DPP9: variants seen among roughly 807,000 people sequenced by gnomAD.
The protein encoded by DPP9 is dipeptidyl peptidase IV-related protein-2.
In DPP9, 50 loss-of-function variants were observed where a neutral mutation model predicts 110.7. The ratio of observed to expected loss-of-function variants is 0.45; its 90% CI spans 0.36 to 0.57. DPP9 has a LOEUF of 0.57. Among genes scored for constraint, DPP9 ranks in the 20% least tolerant of loss-of-function variants. The pLI, the probability that DPP9 is intolerant of heterozygous loss-of-function variation, is 0.00. For missense variants in DPP9, 1,022 were observed against 1,217.9 expected, an observed-to-expected ratio of 0.84 and a Z score of 2.39; for synonymous variants, 561 against 514.4, an observed-to-expected ratio of 1.09 and a Z score of -1.23.
intron 13 of DPP9, 39 bp from the exon 14 acceptor site, chr19:4,690,996 AG>A: frequency 6.5e-7 from 1 of 1,533,136 alleles, no homozygotes; most frequent in Non-Finnish European, 8.9e-7. Context: ...GGGGCCTGGG[AG>A]GTGATGCAGG....
In DPP9 at chr19:4,690,935, C is replaced by T; in HGVS notation, c.1539G>A (p.Lys513=). ...PGEDEFKCPI[K]EEIALTSGEW... is the part of the protein sequence containing the mutation. ...CACCGCTGGTCAGAGCAATCTCTTCCTTAATGGGGCACTTAAATTCATCTG... is the reference window on the plus strand; with the variant it reads ...CACCGCTGGTCAGAGCAATCTCTTCTTTAATGGGGCACTTAAATTCATCTG... Residue 513 remains lysine, a synonymous_variant, in exon 14 of 22, where the codon AAG becomes AAA. Coordinates refer to ENST00000262960, the MANE Select transcript of DPP9 (RefSeq NM_139159.5). 1 of 1,613,196 alleles carries T rather than the reference C, an allele frequency of 6.2e-7. No homozygotes were observed. The highest frequency in any genetic ancestry group is 8.5e-7 in the Non-Finnish European group (1 of 1,179,612).
chr19:4,702,669 A>C lies in DPP9; in HGVS notation c.817T>G (p.Phe273Val). Residue 273 changes from phenylalanine (F) to valine (V), a missense_variant, in exon 8 of 22, where the codon TTC (phenylalanine) becomes GTC (valine). Phe to Val is a conservative substitution (Grantham distance 50, BLOSUM62 -1). This residue lies in a region of DPP9 where 810 missense variants were observed against 920.6 expected (regional missense o/e 0.88). Transcript: ENST00000262960. The stretch of plus-strand genomic sequence containing the variant: ...CGGTCGAACTCTTCCTGTATGACGA[A>C]GGTGGCCACACCCGCAGACTTGGGG... ...DDPKSAGVAT[F>V]VIQEEFDRFT... 1 of 1,603,952 alleles carries C rather than the reference A, an allele frequency of 6.2e-7. No individual in the cohort carries two copies. The highest frequency in any genetic ancestry group is 8.5e-7 in the Non-Finnish European group (1 of 1,175,646).
rs926934147 is a variant in DPP9, at chr19:4,718,277, G to A, written c.56+1574C>T. The stretch of plus-strand genomic sequence containing the variant: ...GGTGCTTTGGTGGCGAGCGGGGGCG[G>A]GGGAGTAGTTGGAGATGGGGGAAGT... On this transcript the variant is annotated intron_variant, in intron 3 of 21. Coordinates refer to ENST00000262960, the MANE Select transcript of DPP9 (RefSeq NM_139159.5). This position sits in a 1 kb window ranked among gnomAD's most constrained non-coding sequence, Gnocchi z 4.3. Among the ~76,000 whole-genome samples, 2 of 152,162 alleles carry A rather than the reference G, an allele frequency of 1.3e-5. No individual in the cohort carries two copies.
intron 5 of DPP9, among the ~76,000 whole-genome samples, chr19:4,705,198 T>A (rs577242997): frequency 2.6e-4 from 39 of 152,320 alleles, no homozygotes; most frequent in African/African-American, 8.4e-4. Context: ...GTTGTTACTA[T>A]GTTATAATGT....
chr19:4,703,804 C>A, intron 7 of DPP9, 82 bp downstream of exon 7: 1 of 1,452,810 alleles, frequency 6.9e-7, no homozygotes, highest in South Asian at 1.3e-5. Flanking sequence ...TGCAGGAAGA[C>A]CCTGGCTGTG....
chr19:4,690,776 T>G lies in DPP9; in HGVS notation c.1596+102A>C, dbSNP rs190244862. 534 of 893,306 alleles carry G rather than the reference T, an allele frequency of 6.0e-4. 3 individuals carry two copies. In the African/African-American group the frequency reaches 7.7e-3, roughly 13 times the overall value. The allele number at this position is 893,306 out of a possible 1,614,324, so 55.3% of individuals were successfully genotyped here. On this transcript the variant is annotated intron_variant, in intron 14 of 21. Transcript: ENST00000262960. ...GTGTATGTGTGAGAATGAGTATGTG[T>G]GTGAGTGTATGTGTGTGTATGCGCG...
Position 4,700,126 on chromosome 19 carries a change from G to A in DPP9, c.1074+90C>T, listed in dbSNP as rs1023386389. 2.6e-5 allele frequency: 28 copies of A among 1,093,450 alleles called. No homozygotes were observed. The highest frequency in any genetic ancestry group is 3.4e-5 in the Non-Finnish European group (27 of 787,710). The allele number at this position is 1,093,450 out of a possible 1,614,324, so 67.7% of individuals were successfully genotyped here. On this transcript the variant is annotated intron_variant, in intron 10 of 21. Transcript: ENST00000262960. The surrounding 1 kb of genome is among the most constrained non-coding windows in gnomAD (Gnocchi z 4.3). Reference sequence around the variant, plus strand: ...GCCTGGGGAGTGCCCCCGAGAGGGAGGTGAGTGACCTGCCCATCCACCCAG... The same window carrying A: ...GCCTGGGGAGTGCCCCCGAGAGGGAAGTGAGTGACCTGCCCATCCACCCAG...
intron 3 of DPP9, among the ~76,000 whole-genome samples, chr19:4,715,106 G>A (rs904297472): frequency 7.9e-6 from 1 of 125,804 alleles, no homozygotes; most frequent in African/African-American, 3.0e-5. Context: ...TGCAGCCTCT[G>A]CCTCTTAGGA....
Position 4,720,396 on chromosome 19 carries a change from C to G in DPP9, c.-35-455G>C, listed in dbSNP as rs556530550. 1.6e-3 allele frequency among the ~76,000 whole-genome samples: 237 copies of G among 152,326 alleles called. 1 individual carries two copies. The highest frequency in any genetic ancestry group is 2.8e-3 in the Non-Finnish European group (191 of 68,034). On this transcript the variant is annotated intron_variant, in intron 2 of 21. Coordinates refer to ENST00000262960, the MANE Select transcript of DPP9 (RefSeq NM_139159.5). Reference sequence around the variant, plus strand: ...CTCCTAGCACACAGCTTCTGCACGACGCACCCCGTGGCCTGAAATGCCAGT... The same window carrying G: ...CTCCTAGCACACAGCTTCTGCACGAGGCACCCCGTGGCCTGAAATGCCAGT...
Position 4,683,496 on chromosome 19 carries a change from T to C in DPP9, c.2312A>G (p.His771Arg), listed in dbSNP as rs2090228897. ...GGFLSLMGLIHKPQVFKVAIA... is the reference protein window; with the variant it reads ...GGFLSLMGLIRKPQVFKVAIA... ...ACCCACCTTGAACACCTGGGGCTTG[T>C]GGATTAGCCCCATGAGCGAGAGGAA... Residue 771 changes from histidine (H) to arginine (R), a missense_variant, in exon 19 of 22, where the codon CAC becomes CGC. By Grantham distance (29) the His-to-Arg change is conservative. Around this residue, in one of 3 missense-constraint regions of DPP9, gnomAD observed 209 missense variants for 280.4 expected, o/e 0.75. Coordinates refer to ENST00000262960, the MANE Select transcript of DPP9 (RefSeq NM_139159.5). The C allele has an allele frequency of 6.2e-7, 1 of 1,613,064 alleles. No homozygotes were observed. Among genetic ancestry groups the C allele is most frequent in the Non-Finnish European group, 8.5e-7 (1 of 1,179,834 alleles).
chr19:4,714,052 G>A (rs755654423), intron 4 of DPP9, 29 bp downstream of exon 4: 30 of 1,587,254 alleles, frequency 1.9e-5, no homozygotes, highest in African/African-American at 6.7e-5. Context: ...TGCTGTCCCC[G>A]CCCAAGCAGC....
At chr19:4,720,002 C>T (rs1181811824) in intron 2 of DPP9, 61 bp from the exon 3 acceptor site, 6 of 1,393,088 alleles carry the variant, frequency 4.3e-6, no homozygotes, top group Middle Eastern at 1.9e-4. Flanking sequence ...GGAGTGGGCG[C>T]TCCTGCCCCC....
rs1018797896 is a variant in DPP9 at position 4,693,925 on chromosome 19, G to A, written c.1516+736C>T. On this transcript the variant is annotated intron_variant, in intron 13 of 21. Coordinates refer to ENST00000262960, the MANE Select transcript of DPP9 (RefSeq NM_139159.5). The surrounding 1 kb of genome is among the most constrained non-coding windows in gnomAD (Gnocchi z 5.0). ...CCTGCCTGCCCCAGGGCCTTTGTAC[G>A]GGCTGTGGCTCTGCCCAGAGCCGTG... 9.9e-5 allele frequency among the ~76,000 whole-genome samples: 15 copies of A among 151,974 alleles called. No homozygotes were observed. Among genetic ancestry groups the A allele is most frequent in the Non-Finnish European group, 4.4e-5 (3 of 67,940 alleles).
rs905121279 is a variant in DPP9, at chr19:4,695,205, A to G, written c.1353+173T>C. ...GCTCCAATGGCTGCCAGACTCACCA[A>G]CCCCCCTAGACCCTCTTCCCTGCCA... On this transcript the variant is annotated intron_variant, in intron 12 of 21. Coordinates refer to ENST00000262960, the MANE Select transcript of DPP9 (RefSeq NM_139159.5). This position sits in a 1 kb window ranked among gnomAD's most constrained non-coding sequence, Gnocchi z 4.7. The G allele has an allele frequency of 4.6e-6, 3 of 655,318 alleles. No individual in the cohort carries two copies. Among genetic ancestry groups the G allele is most frequent in the African/African-American group, 3.7e-5 (2 of 53,368 alleles). 40.6% of individuals were successfully genotyped at this position (655,318 alleles called of 1,614,324 possible). A position where few individuals can be genotyped will look rare whatever the true frequency, so the allele number is the denominator to read the frequency against.
At chr19:4,716,562 G>C (rs986136180) in intron 3 of DPP9, among the ~76,000 whole-genome samples, 22 of 152,106 alleles carry the variant, frequency 1.4e-4, no homozygotes, top group Admixed American at 1.4e-3. Context: ...GCGTGAACCC[G>C]GGAGGCGGAG....
In DPP9 at chr19:4,694,557, A is replaced by G. The variant is rs998476180; in HGVS notation, c.1516+104T>C. 13 of 1,407,416 alleles carry G rather than the reference A, an allele frequency of 9.2e-6. No individual in the cohort carries two copies. The highest frequency in any genetic ancestry group is 2.5e-5 in the East Asian group (1 of 39,972). 87.2% of individuals were successfully genotyped at this position (1,407,416 alleles called of 1,614,324 possible). On this transcript the variant is annotated intron_variant, in intron 13 of 21. Transcript: ENST00000262960. This position sits in a 1 kb window ranked among gnomAD's most constrained non-coding sequence, Gnocchi z 4.0. The stretch of plus-strand genomic sequence containing the variant: ...TGCCGATCCCTGTTCCTTCTCCCGC[A>G]GGGTGTGCTGGCTGAGTGGGGGGGC...
chr19:4,688,914 G>A (rs1466531395), intron 15 of DPP9, 22 bp from the exon 16 acceptor site: 8 of 1,509,834 alleles, frequency 5.3e-6, no homozygotes, highest in Non-Finnish European at 7.0e-6. Flanking sequence ...ATGGGGTGAT[G>A]AGCTCCACGG....
At position 4,695,573 on chromosome 19, in the gene DPP9, G is replaced by T; in HGVS notation, c.1176-18C>A. ...CCCAGGCGCTAAGGGGGAAGATGCG[G>T]GGGAAGATGAGAGGGAAGCTGGGAG... On this transcript the variant is annotated intron_variant, in intron 11 of 21. Transcript: ENST00000262960. The surrounding 1 kb of genome is among the most constrained non-coding windows in gnomAD (Gnocchi z 4.7). The T allele has an allele frequency of 6.9e-7, 1 of 1,454,866 alleles. No homozygotes were observed. Among genetic ancestry groups the T allele is most frequent in the Non-Finnish European group, 9.1e-7 (1 of 1,104,428 alleles). 90.1% of individuals were successfully genotyped at this position (1,454,866 alleles called of 1,614,324 possible). A position where few individuals can be genotyped will look rare whatever the true frequency, so the allele number is the denominator to read the frequency against.
Position 4,682,943 on chromosome 19 carries a change from G to A in DPP9, c.2332-105C>T, listed in dbSNP as rs2090113494. ...GTCCCGGGGCCGCCCTGGAGCCCGT[G>A]AGGAGCGCTCATGCACATGGGGCCG... On this transcript the variant is annotated intron_variant, in intron 19 of 21. Transcript: ENST00000262960. The surrounding 1 kb of genome is among the most constrained non-coding windows in gnomAD (Gnocchi z 7.1). 9 of 1,535,048 alleles carry A rather than the reference G, an allele frequency of 5.9e-6. No individual in the cohort carries two copies. Among genetic ancestry groups the A allele is most frequent in the Non-Finnish European group, 7.9e-6 (9 of 1,146,350 alleles).
Sources: allele counts gnomAD v4.1 joint callset (sites outside exome capture counted in the v4.1 genomes callset), GRCh38; gene constraint gnomAD v4.1.1; regional missense constraint gnomAD v4.1.1; non-coding constraint Gnocchi (gnomAD v3.1); transcripts MANE v1.5; gene names NCBI Gene and HGNC (gene_info 2026-07-23, HGNC 2026-07-21).